Variants in NOS1AP observed in about 807,000 individuals in gnomAD.
NOS1AP encodes the protein nitric oxide synthase 1 adaptor protein.
A neutral mutation model predicts 56.2 loss-of-function variants in NOS1AP; 21 were observed. The observed-to-expected ratio is 0.37, with a 90% CI of 0.26 to 0.54. The LOEUF is 0.54. Among genes scored for constraint, NOS1AP ranks in the 20% least tolerant of loss-of-function variants. NOS1AP has a pLI of 0.84. For missense variants in NOS1AP, 522 were observed against 657.8 expected, an observed-to-expected ratio of 0.79 and a Z score of 2.26; for synonymous variants, 270 against 274.6, an observed-to-expected ratio of 0.98 and a Z score of 0.17.
chr1:162,184,457 A>AAAAC (rs909965171), intron 2 of NOS1AP, among the ~76,000 whole-genome samples: 2 of 152,230 alleles, frequency 1.3e-5, no homozygotes, highest in African/African-American at 4.8e-5. Flanking sequence ...TTTAATTTGT[A>AAAAC]AAACAAACAA....
At chr1:162,322,855 A>C (rs1413266198) in intron 4 of NOS1AP, among the ~76,000 whole-genome samples, 1 of 152,214 alleles carries the variant, frequency 6.6e-6, no homozygotes, top group Non-Finnish European at 1.5e-5. Context: ...TAGAGAAAAC[A>C]ATAGTAATAC....
At chr1:162,117,093 A>G (rs1203323814) in intron 1 of NOS1AP, among the ~76,000 whole-genome samples, 2 of 152,218 alleles carry the variant, frequency 1.3e-5, no homozygotes, top group African/African-American at 4.8e-5. Flanking sequence ...GAATGGAGTT[A>G]AAAGTGCCCC....
At chr1:162,305,457 G>C (rs1655795831) in intron 4 of NOS1AP, among the ~76,000 whole-genome samples, 1 of 151,316 alleles carries the variant, frequency 6.6e-6, no homozygotes, top group South Asian at 2.1e-4. Context: ...CGCTATTACA[G>C]TGTTCTTCAT....
At chr1:162,133,504 G>A (rs1165728740) in intron 1 of NOS1AP, among the ~76,000 whole-genome samples, 4 of 152,304 alleles carry the variant, frequency 2.6e-5, no homozygotes, top group African/African-American at 9.6e-5. Context: ...TATTTTATGT[G>A]AACTAGATTT....
In NOS1AP at chr1:162,085,525, A is replaced by G. The variant is rs569760262; in HGVS notation, c.105+15243A>G. Among the ~76,000 whole-genome samples, 5 of 152,172 alleles carry G rather than the reference A, an allele frequency of 3.3e-5. No homozygotes were observed. In the South Asian group the frequency reaches 1.0e-3, roughly 32 times the overall value. ...ATGAATCACTGTGTACTCCCTCATA[A>G]ATTCTTATTTCACTAATATCCACTT... On this transcript the variant is annotated intron_variant, in intron 1 of 9. Transcript: ENST00000361897.
chr1:162,336,741 G>A (rs1656952419), intron 5 of NOS1AP, among the ~76,000 whole-genome samples: 1 of 152,186 alleles, frequency 6.6e-6, no homozygotes, highest in African/African-American at 2.4e-5. Context: ...AGATACGTGA[G>A]CCTTTCTGGA....
intron 2 of NOS1AP, among the ~76,000 whole-genome samples, chr1:162,202,030 T>A (rs537036447): frequency 3.2e-4 from 49 of 152,272 alleles, no homozygotes; most frequent in African/African-American, 1.1e-3. Flanking sequence ...CGGATTTTAA[T>A]CTGGAGAGGG....
chr1:162,354,414 G>A (rs1657622549), intron 6 of NOS1AP, among the ~76,000 whole-genome samples: 1 of 152,220 alleles, frequency 6.6e-6, no homozygotes, highest in Non-Finnish European at 1.5e-5. Context: ...AAATAGCAGG[G>A]CTTTCATACA....
intron 2 of NOS1AP, among the ~76,000 whole-genome samples, chr1:162,256,672 TG>T (rs1654041261): frequency 6.6e-6 from 1 of 152,184 alleles, no homozygotes; most frequent in Admixed American, 6.5e-5. Flanking sequence ...CACACACAAA[TG>T]CGCGTATGTA....
chr1:162,267,720 A>G (rs1269127712), intron 2 of NOS1AP, among the ~76,000 whole-genome samples: 1 of 152,280 alleles, frequency 6.6e-6, no homozygotes, highest in East Asian at 1.9e-4. Flanking sequence ...CTATGAGTGC[A>G]CTACTGCACT....
chr1:162,190,358 AAT>A (rs201989950), intron 2 of NOS1AP, among the ~76,000 whole-genome samples: 1 of 44,886 alleles, frequency 2.2e-5, no homozygotes, highest in African/African-American at 3.2e-4. Context: ...ATTTTTTTTA[AAT>A]TTTATTTTAT....
chr1:162,313,186 C>T (rs1460160409), intron 4 of NOS1AP, among the ~76,000 whole-genome samples: 1 of 152,154 alleles, frequency 6.6e-6, no homozygotes. Context: ...TCTCCCATGC[C>T]CTCAAGGATC....
chr1:162,272,329 G>A (rs987408706), intron 2 of NOS1AP, among the ~76,000 whole-genome samples: 6 of 152,010 alleles, frequency 3.9e-5, no homozygotes, highest in African/African-American at 1.2e-4. Flanking sequence ...CACTGTTCTC[G>A]TGTGTGGAGA....
intron 1 of NOS1AP, among the ~76,000 whole-genome samples, chr1:162,109,334 A>G (rs1647626629): frequency 6.6e-6 from 1 of 152,266 alleles, no homozygotes; most frequent in South Asian, 2.1e-4. Flanking sequence ...CTGGCTGGCT[A>G]TCTGATAAAA....
intron 4 of NOS1AP, among the ~76,000 whole-genome samples, chr1:162,313,163 G>C (rs1011473368): frequency 2.0e-5 from 3 of 152,138 alleles, no homozygotes; most frequent in Non-Finnish European, 4.4e-5. Flanking sequence ...GGAATGCAAA[G>C]ACAAACAGGG....
chr1:162,171,221 C>T (rs1017961162), intron 2 of NOS1AP, among the ~76,000 whole-genome samples: 1 of 152,154 alleles, frequency 6.6e-6, no homozygotes, highest in African/African-American at 2.4e-5. Context: ...CCTCATGCTC[C>T]TTTTCTGGGA....
At chr1:162,333,886 T>A (rs2101796532) in intron 5 of NOS1AP, among the ~76,000 whole-genome samples, 1 of 152,374 alleles carries the variant, frequency 6.6e-6, no homozygotes, top group Non-Finnish European at 1.5e-5. Context: ...TTTCCCAAAC[T>A]AATTTCACAA....
rs1652343660 is a variant in NOS1AP at position 162,211,379 on chromosome 1, C to G, written c.177+56903C>G. Among the ~76,000 whole-genome samples the G allele has an allele frequency of 2.0e-5, 3 of 152,218 alleles. No individual in the cohort carries two copies. The East Asian group carries it at 5.8e-4, about 29-fold the overall frequency. On this transcript the variant is annotated intron_variant, in intron 2 of 9. Transcript: ENST00000361897. The stretch of plus-strand genomic sequence containing the variant: ...GTGCATGTATGAGAAGGACATCTCT[C>G]TCTCCCTCCCCTCCTCTTATTGGAA...
At chr1:162,340,814 G>A (rs1305765602) in intron 5 of NOS1AP, among the ~76,000 whole-genome samples, 1 of 152,166 alleles carries the variant, frequency 6.6e-6, no homozygotes, top group Admixed American at 6.5e-5. Flanking sequence ...AAAAATACTA[G>A]TAAAATGTGA....
Sources: allele counts gnomAD v4.1 joint callset (sites outside exome capture counted in the v4.1 genomes callset), GRCh38; gene constraint gnomAD v4.1.1; transcripts MANE v1.5; gene names NCBI Gene and HGNC (gene_info 2026-07-23, HGNC 2026-07-21).